The following PRKCE variants were observed in gnomAD, a reference collection of about 807,000 sequenced individuals.
The protein encoded by PRKCE is protein kinase C epsilon, also known as protein kinase C epsilon type.
PRKCE carries 16 observed loss-of-function variants against 85.4 expected under a neutral mutation model. The observed-to-expected ratio is 0.19, with a 90% CI of 0.13 to 0.28. The LOEUF is 0.28. Among genes scored for constraint, PRKCE ranks in the 10% least tolerant of loss-of-function variants. PRKCE has a pLI of 1.00. For synonymous variants in PRKCE, 388 were observed against 371.5 expected (o/e 1.04, Z -0.51); for missense variants, 573 against 975.2 (o/e 0.59, Z 5.49).
intron 11 of PRKCE, among the ~76,000 whole-genome samples, chr2:46,125,995 G>A (rs1386691046): frequency 2.6e-5 from 4 of 152,212 alleles, no homozygotes; most frequent in South Asian, 2.1e-4. Context: ...GGCTTGGACC[G>A]CCAAGCCAGA....
intron 1 of PRKCE, among the ~76,000 whole-genome samples, chr2:45,726,828 T>C (rs1681116169): frequency 6.6e-6 from 1 of 152,092 alleles, no homozygotes; most frequent in African/African-American, 2.4e-5. Context: ...ATAGAGGGCT[T>C]GTAGGGTGGC....
At position 46,099,783 on chromosome 2, in the gene PRKCE, G is replaced by T. The variant is rs116627573; in HGVS notation, c.1592+13421G>T. On this transcript the variant is annotated intron_variant, in intron 11 of 14. Transcript: ENST00000306156. Reference sequence around the variant, plus strand: ...CATTTATCGAGAAAACTCCAGGGAGGTGAGGGGATTTTCTAAGCATATTTG... The same window carrying T: ...CATTTATCGAGAAAACTCCAGGGAGTTGAGGGGATTTTCTAAGCATATTTG... 5.8e-3 allele frequency among the ~76,000 whole-genome samples: 876 copies of T among 152,252 alleles called. 5 individuals are homozygous for T. The highest frequency in any genetic ancestry group is 0.021 in the African/African-American group (853 of 41,550).
At chr2:45,836,266 C>G (rs1285191282) in intron 1 of PRKCE, among the ~76,000 whole-genome samples, 1 of 152,134 alleles carries the variant, frequency 6.6e-6, no homozygotes, top group African/African-American at 2.4e-5. Flanking sequence ...AACGATCTGC[C>G]CCTCCCCTTA....
intron 10 of PRKCE, among the ~76,000 whole-genome samples, chr2:46,069,232 T>C (rs1433301952): frequency 1.3e-5 from 2 of 152,202 alleles, no homozygotes; most frequent in Non-Finnish European, 2.9e-5. Context: ...TATTCTCACT[T>C]ACCTGTTGCT....
At chr2:46,059,297 C>T (rs1242297907) in intron 10 of PRKCE, among the ~76,000 whole-genome samples, 2 of 152,080 alleles carry the variant, frequency 1.3e-5, no homozygotes, top group East Asian at 1.9e-4. Context: ...CTTGACCCTC[C>T]AAAAATCACT....
intron 2 of PRKCE, among the ~76,000 whole-genome samples, chr2:45,931,629 G>C (rs143550521): frequency 2.6e-5 from 4 of 152,258 alleles, no homozygotes; most frequent in Admixed American, 2.0e-4. Context: ...GCAATGCTGC[G>C]TATGACTGAT....
chr2:45,835,682 C>G (rs13016760), intron 1 of PRKCE, among the ~76,000 whole-genome samples: 6,397 of 151,918 alleles, frequency 0.042, 246 homozygotes, highest in Admixed American at 0.12. Context: ...CCTCAAACTC[C>G]CAGGTTCAAG....
At chr2:45,917,034 G>C (rs1038038297) in intron 2 of PRKCE, among the ~76,000 whole-genome samples, 5 of 152,266 alleles carry the variant, frequency 3.3e-5, no homozygotes, top group African/African-American at 1.2e-4. Flanking sequence ...ACCTTCCACA[G>C]TGTGGAAGGG....
chr2:45,939,872 C>G (rs1446579133), intron 2 of PRKCE, among the ~76,000 whole-genome samples: 1 of 152,168 alleles, frequency 6.6e-6, no homozygotes, highest in African/African-American at 2.4e-5. Flanking sequence ...ACTTTTAAGG[C>G]ATGCTTGCTG....
intron 1 of PRKCE, among the ~76,000 whole-genome samples, chr2:45,694,722 T>A (rs533654595): frequency 5.3e-5 from 8 of 152,230 alleles, no homozygotes; most frequent in African/African-American, 1.7e-4. Context: ...TGGAATAGCA[T>A]CTTGGGTGGA....
chr2:46,121,042 G>A (rs1376886409), intron 11 of PRKCE, among the ~76,000 whole-genome samples: 1 of 152,180 alleles, frequency 6.6e-6, no homozygotes, highest in Non-Finnish European at 1.5e-5. Flanking sequence ...GTCTAAGAAA[G>A]CATAGGAGCC....
At chr2:45,752,734 A>C (rs576067748) in intron 1 of PRKCE, among the ~76,000 whole-genome samples, 1 of 152,280 alleles carries the variant, frequency 6.6e-6, no homozygotes, top group African/African-American at 2.4e-5. Flanking sequence ...CCATGCAGGC[A>C]GGCAGTCAGG....
chr2:45,735,070 C>T (rs1558611988), intron 1 of PRKCE, among the ~76,000 whole-genome samples: 1 of 152,250 alleles, frequency 6.6e-6, no homozygotes, highest in African/African-American at 2.4e-5. Context: ...ATCTCCCTCT[C>T]AGAGTCACTG....
chr2:46,083,806 A>G (rs919327600), intron 10 of PRKCE, among the ~76,000 whole-genome samples: 1 of 152,206 alleles, frequency 6.6e-6, no homozygotes, highest in Non-Finnish European at 1.5e-5. Context: ...CAAGTTTAAG[A>G]GTCTTTGTTC....
chr2:46,033,985 C>T (rs535377147), intron 10 of PRKCE, among the ~76,000 whole-genome samples: 10 of 152,286 alleles, frequency 6.6e-5, no homozygotes, highest in African/African-American at 1.7e-4. Flanking sequence ...TAGAGAAAGC[C>T]GTAGGCTTTC....
At chr2:45,868,604 G>T (rs143712979) in intron 2 of PRKCE, among the ~76,000 whole-genome samples, 1 of 150,372 alleles carries the variant, frequency 6.7e-6, no homozygotes, top group Non-Finnish European at 1.5e-5. Context: ...GATTATAGGC[G>T]TGAGCCACCA....
chr2:45,672,246 GCATCCATC>G lies in PRKCE; in HGVS notation c.348+19825_348+19832del, dbSNP rs57355156. On this transcript the variant is annotated intron_variant, in intron 1 of 14. Coordinates refer to ENST00000306156, the MANE Select transcript of PRKCE (RefSeq NM_005400.3). The stretch of plus-strand genomic sequence containing the variant: ...TCTCTACATCCATCCATCTGTCTAT[GCATCCATC>G]CATCCATCCATCCATCCATCCATCC... 1.0e-4 allele frequency among the ~76,000 whole-genome samples: 15 copies of G among 150,528 alleles called. No homozygotes were observed. In the South Asian group the frequency reaches 1.3e-3, roughly 13 times the overall value.
At chr2:45,688,037 A>C (rs531520110) in intron 1 of PRKCE, among the ~76,000 whole-genome samples, 1 of 152,336 alleles carries the variant, frequency 6.6e-6, no homozygotes, top group Admixed American at 6.5e-5. Flanking sequence ...GCAGTGTCTC[A>C]AGGGAGAAGT....
Position 45,848,379 on chromosome 2 carries a change from C to T in PRKCE, c.412+5316C>T, listed in dbSNP as rs577237874. On this transcript the variant is annotated intron_variant, in intron 2 of 14. Coordinates refer to ENST00000306156, the MANE Select transcript of PRKCE (RefSeq NM_005400.3). ...AGGCTGGAGTGTGGCAGCAGGATCT[C>T]GGCTTACTGCAACCTTTGCCTCCTG... Among the ~76,000 whole-genome samples the T allele has an allele frequency of 3.3e-5, 5 of 151,968 alleles. No individual in the cohort carries two copies. The East Asian group carries it at 7.8e-4, about 24-fold the overall frequency.
Sources: allele counts gnomAD v4.1 joint callset (sites outside exome capture counted in the v4.1 genomes callset), GRCh38; gene constraint gnomAD v4.1.1; transcripts MANE v1.5; gene names NCBI Gene and HGNC (gene_info 2026-07-23, HGNC 2026-07-21).